PALD1: variants seen among roughly 807,000 people sequenced by gnomAD.
PALD1 encodes phosphatase domain containing paladin 1, also known as paladin.
In PALD1, 57 loss-of-function variants were observed where a neutral mutation model predicts 96.0. The ratio of observed to expected loss-of-function variants is 0.59; its 90% CI spans 0.48 to 0.74. The LOEUF (loss-of-function observed/expected upper bound fraction) is 0.74, where lower values mean the gene tolerates loss of function less well. Ranked by LOEUF, PALD1 falls within the 30% of genes least tolerant of loss-of-function variation. PALD1 has a pLI of 0.00. For missense variants in PALD1, 1,063 were observed against 1,143.7 expected (o/e 0.93, Z 1.02); for synonymous variants, 464 against 473.6 (o/e 0.98, Z 0.26).
rs1846853039 is a variant in PALD1, at chr10:70,525,968, G to A, written c.17G>A (p.Ser6Asn). The A allele has an allele frequency of 3.1e-6, 5 of 1,614,118 alleles. No homozygotes were observed. The highest frequency in any genetic ancestry group is 4.2e-6 in the Non-Finnish European group (5 of 1,180,026). MGTTA[S>N]TAQQTVSAGT... ...TGGCAGACTATGGGTACAACGGCCA[G>A]CACAGCCCAGCAGACGGTCTCGGCA... Residue 6 changes from serine (S) to asparagine (N), a missense_variant, in exon 2 of 20, where the codon AGC becomes AAC. Coordinates refer to ENST00000263563, the MANE Select transcript of PALD1 (RefSeq NM_014431.3).
chr10:70,555,268 C>G (rs1847580964), intron 18 of PALD1, among the ~76,000 whole-genome samples: 1 of 151,646 alleles, frequency 6.6e-6, no homozygotes, highest in Non-Finnish European at 1.5e-5. Flanking sequence ...AGCCACTGTA[C>G]CTGGTTGCTA....
At chr10:70,477,455 C>T (rs888441046), upstream of PALD1, among the ~76,000 whole-genome samples, 6 of 152,196 alleles carry the variant, frequency 3.9e-5, no homozygotes, top group Non-Finnish European at 7.3e-5. Flanking sequence ...TTCCCAAGGC[C>T]ACTATGGGAT....
chr10:70,465,665 A>G, the PALD1 span, among the ~76,000 whole-genome samples: 2 of 152,064 alleles, frequency 1.3e-5, no homozygotes, highest in African/African-American at 4.8e-5. Flanking sequence ...AAAGCCTGAC[A>G]CCCTCCAAGA....
In PALD1 at chr10:70,512,591, C is replaced by T. The variant is rs796170357; in HGVS notation, c.-29-13332C>T. ...GGTCTGTGTCTGGGCTGCTGAGGCC[C>T]GAGGGCAAGGGCCAAGCTCATTCAT... On this transcript the variant is annotated intron_variant, in intron 1 of 19. Transcript: ENST00000263563. 5.9e-5 allele frequency among the ~76,000 whole-genome samples: 9 copies of T among 152,334 alleles called. No individual in the cohort carries two copies. In the South Asian group the frequency reaches 1.0e-3, roughly 18 times the overall value.
At chr10:70,520,625 A>G (rs1846710784) in intron 1 of PALD1, among the ~76,000 whole-genome samples, 3 of 151,716 alleles carry the variant, frequency 2.0e-5, no homozygotes, top group Admixed American at 1.3e-4. Flanking sequence ...CCTCTTAAGG[A>G]AATGAGGTGA....
chr10:70,504,992 G>A (rs1846357559), intron 1 of PALD1, among the ~76,000 whole-genome samples: 1 of 152,200 alleles, frequency 6.6e-6, no homozygotes, highest in South Asian at 2.1e-4. Flanking sequence ...GAATGGCTCC[G>A]TTACGGGATT....
intron 18 of PALD1, among the ~76,000 whole-genome samples, chr10:70,549,487 G>A (rs912448743): frequency 2.0e-5 from 3 of 152,234 alleles, no homozygotes; most frequent in East Asian, 1.9e-4. Context: ...CCCAGAGGGC[G>A]GAGCAGGGAG....
chr10:70,562,475 T>A (rs749682492), intron 18 of PALD1, among the ~76,000 whole-genome samples: 17 of 152,198 alleles, frequency 1.1e-4, no homozygotes, highest in Non-Finnish European at 2.2e-4. Flanking sequence ...GAGCCCACCC[T>A]GGGGCTAAGG....
chr10:70,508,134 G>T (rs1177180746), intron 1 of PALD1, among the ~76,000 whole-genome samples: 10 of 152,216 alleles, frequency 6.6e-5, no homozygotes, highest in Non-Finnish European at 1.2e-4. Context: ...AGAAACAGCA[G>T]CATCTTTTCT....
At chr10:70,555,107 G>A in intron 18 of PALD1, among the ~76,000 whole-genome samples, 1 of 145,536 alleles carries the variant, frequency 6.9e-6, no homozygotes, top group Admixed American at 7.0e-5. Flanking sequence ...AAGTATCTGG[G>A]ATTACAGGTG....
At chr10:70,531,236 G>A (rs753597592) in intron 4 of PALD1, 54 bp from the exon 5 acceptor site, 4 of 1,499,688 alleles carry the variant, frequency 2.7e-6, no homozygotes, top group Admixed American at 3.4e-5. Flanking sequence ...CAGTGGTGCA[G>A]GTGTCTGTGC....
At chr10:70,552,868 CTT>C (rs1847509195) in intron 18 of PALD1, among the ~76,000 whole-genome samples, 2 of 152,176 alleles carry the variant, frequency 1.3e-5, no homozygotes, top group South Asian at 2.1e-4. Context: ...CCCTAAGTCT[CTT>C]TTAATCTCAT....
intron 1 of PALD1, among the ~76,000 whole-genome samples, chr10:70,518,764 G>A (rs914414955): frequency 1.1e-4 from 16 of 152,150 alleles, no homozygotes; most frequent in African/African-American, 1.4e-4. Flanking sequence ...CCCTCTCTGC[G>A]CTCAGGGTCT....
intron 1 of PALD1, among the ~76,000 whole-genome samples, chr10:70,512,138 T>A (rs184692947): frequency 1.1e-4 from 16 of 152,170 alleles, no homozygotes; most frequent in Admixed American, 3.3e-4. Flanking sequence ...AATTCCAACA[T>A]GAGTTTTGGA....
chr10:70,544,114 A>G (rs1847312560), intron 17 of PALD1, among the ~76,000 whole-genome samples: 1 of 152,216 alleles, frequency 6.6e-6, no homozygotes, highest in Non-Finnish European at 1.5e-5. Flanking sequence ...TAGAGCGTGA[A>G]GAGGCCCAGA....
the PALD1 span, among the ~76,000 whole-genome samples, chr10:70,459,655 C>G: frequency 1.1e-4 from 16 of 152,340 alleles, no homozygotes; most frequent in East Asian, 3.1e-3. Flanking sequence ...TTAGGCAGAG[C>G]CCCCGCCTTG....
chr10:70,525,614 G>C (rs145944391), intron 1 of PALD1, among the ~76,000 whole-genome samples: 17 of 152,176 alleles, frequency 1.1e-4, no homozygotes, highest in South Asian at 8.3e-4. Context: ...CTGACCTGCT[G>C]TGGATGATTC....
chr10:70,517,782 A>G (rs1425710303), intron 1 of PALD1, among the ~76,000 whole-genome samples: 1 of 151,938 alleles, frequency 6.6e-6, no homozygotes, highest in Non-Finnish European at 1.5e-5. Flanking sequence ...CTGCCCCTGC[A>G]GTTTTCACGG....
At chr10:70,515,459 C>T (rs1846602072) in intron 1 of PALD1, among the ~76,000 whole-genome samples, 1 of 152,368 alleles carries the variant, frequency 6.6e-6, no homozygotes, top group South Asian at 2.1e-4. Flanking sequence ...GCCCTGCTGG[C>T]TGCCTTGGTT....
Sources: gnomAD v4.1 joint callset for allele counts (sites outside exome capture counted in the v4.1 genomes callset) on GRCh38, gnomAD v4.1.1 for gene constraint, MANE v1.5 for transcripts, NCBI Gene and HGNC (gene_info 2026-07-23, HGNC 2026-07-21) for gene names.